The following TCF25 variants were observed in gnomAD, a reference collection of about 807,000 sequenced individuals.
TCF25 encodes the protein TCF25 ribosome quality control complex subunit, also known as ribosome quality control complex subunit TCF25.
Under a neutral mutation model 83.1 loss-of-function variants are expected in TCF25, and 41 were observed. The observed-to-expected ratio is 0.49, with a 90% CI of 0.38 to 0.64. The LOEUF is 0.64. Ranked by LOEUF, TCF25 falls within the 30% of genes least tolerant of loss-of-function variation. The probability of loss-of-function intolerance (pLI) is 0.00; values close to 1 mark genes in which losing one functional copy is unlikely to be tolerated. For missense variants in TCF25, 979 were observed against 914.5 expected, an observed-to-expected ratio of 1.07 and a Z score of -0.91; for synonymous variants, 458 against 365.0, an observed-to-expected ratio of 1.25 and a Z score of -2.90.
At chr16:89,902,568 A>G (rs2044424357) in intron 12 of TCF25, among the ~76,000 whole-genome samples, 1 of 148,186 alleles carries the variant, frequency 6.7e-6, no homozygotes, top group African/African-American at 2.4e-5. Context: ...CGGCACCTGT[A>G]GTCCCAGCTA....
In TCF25 at chr16:89,893,765, C is replaced by G. The variant is rs767625555; in HGVS notation, c.735C>G (p.Leu245=). 1 of 1,613,870 alleles carries G rather than the reference C, an allele frequency of 6.2e-7. No homozygotes were observed. The highest frequency in any genetic ancestry group is 1.7e-5 in the Admixed American group (1 of 60,002). Residue 245 remains leucine (L), a synonymous_variant, in exon 7 of 18, where the codon CTC becomes CTG. Coordinates refer to ENST00000263346, the MANE Select transcript of TCF25 (RefSeq NM_014972.3). ...SMRLLESKKG[L]SFFAFEHSEE... is the part of the protein sequence containing the mutation. ...GGCTGCTGGAATCAAAAAAAGGCCT[C>G]TCCTTCTTTGCGTTTGAGCACAGTG...
chr16:89,884,527 C>T lies in TCF25; in HGVS notation c.355-55C>T, dbSNP rs1055640817. 18 of 1,584,804 alleles carry T rather than the reference C, an allele frequency of 1.1e-5. No individual in the cohort carries two copies. The Admixed American group carries it at 1.7e-4, about 15-fold the overall frequency. ...GAGTCACGCTTGCTGCTTTAATTCT[C>T]ACTTCTTAAGATTTACTTCTCATTC... On this transcript the variant is annotated intron_variant, in intron 2 of 17. Coordinates refer to ENST00000263346, the MANE Select transcript of TCF25 (RefSeq NM_014972.3).
chr16:89,891,252 C>A (rs972775781), intron 5 of TCF25, among the ~76,000 whole-genome samples: 2 of 152,238 alleles, frequency 1.3e-5, no homozygotes, highest in East Asian at 3.8e-4. Context: ...CAGGCCATCC[C>A]TGGGATTCTG....
In TCF25 at chr16:89,911,091, C is replaced by T. The variant is rs770027705; in HGVS notation, c.1884C>T (p.Pro628=). 4.0e-5 allele frequency: 65 copies of T among 1,610,814 alleles called. No individual in the cohort carries two copies. The highest frequency in any genetic ancestry group is 2.1e-4 in the Middle Eastern group (1 of 4,728). The change falls in exon 18 of 18, where the codon CCC becomes CCT. Residue 628 remains proline (P), a synonymous_variant. Coordinates refer to ENST00000263346, the MANE Select transcript of TCF25 (RefSeq NM_014972.3). ...LPNYTMEGER[P]EEGVAGGLNR... Reference sequence around the variant, plus strand: ...TCCCCTTGCTGCAGGGGGAGAGGCCCGAGGAAGGAGTGGCTGGGGGTCTGA... The same window carrying T: ...TCCCCTTGCTGCAGGGGGAGAGGCCTGAGGAAGGAGTGGCTGGGGGTCTGA...
chr16:89,873,853 C>G lies in TCF25; in HGVS notation c.186C>G (p.Phe62Leu), dbSNP rs762745305. The part of the protein sequence containing the change: ...GKEGVRVNNR[F>L]ELINIDDLED... Reference sequence around the variant, plus strand: ...AGGGCGTCCGAGTCAACAACCGCTTCGAGCTGGTGAGGAGCGCGGCGGCCC... The same window carrying G: ...AGGGCGTCCGAGTCAACAACCGCTTGGAGCTGGTGAGGAGCGCGGCGGCCC... The change falls in exon 1 of 18, where the codon TTC becomes TTG. Residue 62 changes from phenylalanine to leucine, a missense_variant. Phe to Leu is a conservative substitution (Grantham distance 22). Coordinates refer to ENST00000263346, the MANE Select transcript of TCF25 (RefSeq NM_014972.3). 2 of 1,507,214 alleles carry G rather than the reference C, an allele frequency of 1.3e-6. No homozygotes were observed. The highest frequency in any genetic ancestry group is 1.8e-6 in the Non-Finnish European group (2 of 1,123,854). The allele number at this position is 1,507,214 out of a possible 1,614,324, so 93.4% of individuals were successfully genotyped here. A position where few individuals can be genotyped will look rare whatever the true frequency, so the allele number is the denominator to read the frequency against.
intron 16 of TCF25, among the ~76,000 whole-genome samples, chr16:89,907,612 ACCTCCCAGCTCCCG>A (rs1187206622): frequency 2.6e-5 from 2 of 78,002 alleles, no homozygotes; most frequent in Admixed American, 1.4e-4. Context: ...CCCAGCTCCC[ACCTCCCAGCTCCCG>A]CCTCCCTCAT....
intron 4 of TCF25, 119 bp from the exon 5 acceptor site, chr16:89,887,533 C>T (rs2043110139): frequency 1.1e-6 from 1 of 892,852 alleles, no homozygotes; most frequent in Middle Eastern, 3.1e-4. Context: ...GGCCTGGAAG[C>T]TGCCTTTCAA....
chr16:89,905,875 C>T (rs1179849785), intron 14 of TCF25, among the ~76,000 whole-genome samples: 1 of 152,226 alleles, frequency 6.6e-6, no homozygotes, highest in East Asian at 1.9e-4. Context: ...GTGACACACC[C>T]AGGTGTCCCT....
chr16:89,881,131 C>A (rs1400242143), intron 1 of TCF25, among the ~76,000 whole-genome samples: 2 of 152,158 alleles, frequency 1.3e-5, no homozygotes, highest in Non-Finnish European at 2.9e-5. Context: ...GAATCGTATC[C>A]TTGTCATGTG....
chr16:89,905,013 C>T lies in TCF25; in HGVS notation c.1545C>T (p.Thr515=). 2.5e-6 allele frequency: 4 copies of T among 1,604,690 alleles called. No individual in the cohort carries two copies. The highest frequency in any genetic ancestry group is 3.4e-6 in the Non-Finnish European group (4 of 1,176,060). The change falls in exon 14 of 18, where the codon ACC becomes ACT. Residue 515 remains threonine, a synonymous_variant. Transcript: ENST00000263346. ...RSHFLWKEPA[T]MSWLEENVHE... is the part of the protein sequence containing the mutation. ...ACTTTCTCTGGAAAGAGCCCGCCAC[C>T]ATGAGCTGGCTGGAGGAGAACGTCC...
At position 89,898,853 on chromosome 16, in the gene TCF25, G is replaced by A. The variant is rs139981645; in HGVS notation, c.1202G>A (p.Arg401His). ...GCCCGGAACTACGAGTACCTGATCC[G>A]CCTCTTCCAGGAGTGGGAGGTGGGT... ...LRARNYEYLI[R>H]LFQEWEAHRN... is the part of the protein sequence containing the mutation. Residue 401 changes from arginine (R) to histidine (H), a missense_variant, in exon 11 of 18, where the codon CGC becomes CAC. Transcript: ENST00000263346. The A allele has an allele frequency of 3.3e-5, 53 of 1,613,792 alleles. 1 individual carries two copies. The Middle Eastern group carries it at 6.6e-4, about 20-fold the overall frequency.
At chr16:89,889,046 G>C (rs1350268667) in intron 5 of TCF25, among the ~76,000 whole-genome samples, 2 of 151,842 alleles carry the variant, frequency 1.3e-5, no homozygotes, top group East Asian at 1.9e-4. Context: ...CCCCAGATGA[G>C]GATGGCTGGC....
chr16:89,880,155 C>CGCGT (rs1419887737), intron 1 of TCF25, among the ~76,000 whole-genome samples: 1 of 131,090 alleles, frequency 7.6e-6, no homozygotes, highest in African/African-American at 2.5e-5. Context: ...GAGCCCATCA[C>CGCGT]GCGTGCTGTC....
chr16:89,892,984 G>T (rs2043546345), intron 6 of TCF25, among the ~76,000 whole-genome samples: 5 of 152,344 alleles, frequency 3.3e-5, no homozygotes, highest in African/African-American at 1.2e-4. Flanking sequence ...CATACATTCT[G>T]TAAGGACACA....
At chr16:89,893,444 C>G (rs1046197629) in intron 6 of TCF25, among the ~76,000 whole-genome samples, 1 of 152,234 alleles carries the variant, frequency 6.6e-6, no homozygotes, top group Non-Finnish European at 1.5e-5. Context: ...TTGTCCCTGA[C>G]ATTCCCTCCA....
At chr16:89,889,111 G>T (rs1456526635) in intron 5 of TCF25, 7 of 285,714 alleles carry the variant, frequency 2.4e-5, no homozygotes, top group East Asian at 1.3e-4. Context: ...AGCAGGGGGG[G>T]TGTCTGCTTC....
chr16:89,894,946 C>T, intron 7 of TCF25, 92 bp from the exon 8 acceptor site: 5 of 1,149,622 alleles, frequency 4.3e-6, no homozygotes, highest in Non-Finnish European at 6.2e-6. Context: ...CGCCCAGCCT[C>T]CGCTGGTTTT....
At position 89,898,655 on chromosome 16, in the gene TCF25, T is replaced by A. The variant is rs1229776948; in HGVS notation, c.1115+6T>A. On this transcript the variant is annotated splice_donor_region_variant and intron_variant, in intron 10 of 17. Coordinates refer to ENST00000263346, the MANE Select transcript of TCF25 (RefSeq NM_014972.3). The stretch of plus-strand genomic sequence containing the variant: ...TACTGCAAGCTCATCCTGAGGTGAG[T>A]GTCTGCTCAGGGCCAAGCCCGTCCA... 2.5e-6 allele frequency: 4 copies of A among 1,612,416 alleles called. No individual in the cohort carries two copies. The highest frequency in any genetic ancestry group is 3.4e-6 in the Non-Finnish European group (4 of 1,179,926).
At chr16:89,902,835 A>C (rs1048960166) in intron 12 of TCF25, among the ~76,000 whole-genome samples, 2 of 152,076 alleles carry the variant, frequency 1.3e-5, no homozygotes, top group Non-Finnish European at 2.9e-5. Context: ...ACATTACGTG[A>C]CCACTCATCG....
Sources: allele counts gnomAD v4.1 joint callset (sites outside exome capture counted in the v4.1 genomes callset), GRCh38; gene constraint gnomAD v4.1.1; transcripts MANE v1.5; gene names NCBI Gene and HGNC (gene_info 2026-07-23, HGNC 2026-07-21).